H2AJ: variants seen among roughly 807,000 people sequenced by gnomAD.
H2AJ encodes the protein histone H2A.J.
Under a neutral mutation model 7.9 loss-of-function variants are expected in H2AJ, and 3 were observed. That is an observed-to-expected ratio of 0.38 (90% CI 0.17 to 0.98). H2AJ has a LOEUF of 0.98. Among genes scored for constraint, H2AJ ranks in the 50% least tolerant of loss-of-function variants. The pLI, the probability that H2AJ is intolerant of heterozygous loss-of-function variation, is 0.39. For missense variants in H2AJ, 128 were observed against 174.4 expected, an observed-to-expected ratio of 0.73 and a Z score of 1.50; for synonymous variants, 98 against 85.7, an observed-to-expected ratio of 1.14 and a Z score of -0.79.
chr12:14,774,958 G>A lies in H2AJ; in HGVS notation c.*98G>A. ...AATGTGCTGGATGTCATGGAGGGCC[G>A]GTGACATCTAGCGGGGAGGTGGGCG... On this transcript the variant is annotated 3_prime_UTR_variant, in exon 1 of 1. Transcript: ENST00000544848. 1 of 1,372,282 alleles carries A rather than the reference G, an allele frequency of 7.3e-7. No homozygotes were observed. The highest frequency in any genetic ancestry group is 1.4e-5 in the South Asian group (1 of 72,132). 85.0% of individuals were successfully genotyped at this position (1,372,282 alleles called of 1,614,324 possible). A position where few individuals can be genotyped will look rare whatever the true frequency, so the allele number is the denominator to read the frequency against.
At chr12:14,775,170 CAG>C (rs1949618870), downstream of H2AJ, 3 of 489,032 alleles carry the variant, frequency 6.1e-6, no homozygotes, top group Non-Finnish European at 1.2e-5. Flanking sequence ...CTCGAGGCGT[CAG>C]GGGAGGGTGG....
downstream of H2AJ, chr12:14,775,667 ATGT>A (rs919600425): frequency 1.3e-5 from 4 of 311,276 alleles, no homozygotes; most frequent in Admixed American, 1.4e-4. Context: ...TTTTAAAGTG[ATGT>A]TGTCAAGTTT....
In H2AJ at chr12:14,774,847, C is replaced by G. The variant is rs749915328; in HGVS notation, c.377C>G (p.Thr126Arg). The G allele has an allele frequency of 2.5e-6, 4 of 1,613,942 alleles. No individual in the cohort carries two copies. Among genetic ancestry groups the G allele is most frequent in the Non-Finnish European group, 3.4e-6 (4 of 1,179,942 alleles). Residue 126 changes from threonine (T) to arginine (R), a missense_variant, in exon 1 of 1, where the codon ACG becomes AGG. Thr to Arg is a moderately conservative substitution (Grantham distance 71, BLOSUM62 -1). Coordinates refer to ENST00000544848, the MANE Select transcript of H2AJ (RefSeq NM_177925.5). ...CCCAAGAAGACGGAGAGTCAGAAGA[C>G]GAAGAGCAAATGACCCTGACGCCGC... ...LLPKKTESQK[T>R]KSK
At chr12:14,775,039 C>A, downstream of H2AJ, 1 of 740,924 alleles carries the variant, frequency 1.3e-6, no homozygotes, top group Non-Finnish European at 2.2e-6. Flanking sequence ...GTCGAGAGAG[C>A]TGTGTAGTCG....
chr12:14,775,644 C>T, downstream of H2AJ: 1 of 337,498 alleles, frequency 3.0e-6, no homozygotes, highest in East Asian at 8.4e-5. Context: ...TCGTGGGTTA[C>T]ATATGCTTGA....
chr12:14,776,998 C>G (rs1949649932), downstream of H2AJ: 1 of 167,250 alleles, frequency 6.0e-6, no homozygotes, highest in East Asian at 1.9e-4. Context: ...TCGCCACCCG[C>G]CTCTCCCACC....
At position 14,774,578 on chromosome 12, in the gene H2AJ, C is replaced by T; in HGVS notation, c.108C>T (p.Arg36=). 6.2e-7 allele frequency: 1 copy of T among 1,613,986 alleles called. No homozygotes were observed. Among genetic ancestry groups the T allele is most frequent in the East Asian group, 2.2e-5 (1 of 44,868 alleles). ...FPVGRVHRLL[R]KGNYAERVGA... ...TGGGCCGAGTGCACAGACTGCTGCGCAAAGGGAACTACGCGGAGCGAGTGG... is the reference window on the plus strand; with the variant it reads ...TGGGCCGAGTGCACAGACTGCTGCGTAAAGGGAACTACGCGGAGCGAGTGG... The change falls in exon 1 of 1, where the codon CGC becomes CGT. Residue 36 remains arginine, a synonymous_variant. Transcript: ENST00000544848.
chr12:14,776,556 G>T (rs1475284575), downstream of H2AJ: 1 of 167,198 alleles, frequency 6.0e-6, no homozygotes, highest in Middle Eastern at 3.4e-3. Context: ...TTTGTCATAT[G>T]TAAAAGTCAT....
At chr12:14,775,415 T>G (rs781266559), downstream of H2AJ, 1 of 471,252 alleles carries the variant, frequency 2.1e-6, no homozygotes, top group South Asian at 1.5e-5. Context: ...GGAGTAACTT[T>G]CCGTCTTGGA....
At chr12:14,775,381 C>T (rs1036667343), downstream of H2AJ, 2 of 471,202 alleles carry the variant, frequency 4.2e-6, no homozygotes, top group African/African-American at 2.0e-5. Flanking sequence ...CAGGAAGTGT[C>T]TGCGGCCATA....
chr12:14,774,698 G>A lies in H2AJ; in HGVS notation c.228G>A (p.Lys76=), dbSNP rs1191394824. ...LAGNAARDNK[K]TRIIPRHLQL... ...GCAACGCCGCGCGTGACAACAAGAA[G>A]ACCAGGATAATTCCCCGCCACCTGC... The change falls in exon 1 of 1, where the codon AAG becomes AAA. Residue 76 remains lysine, a synonymous_variant. Coordinates refer to ENST00000544848, the MANE Select transcript of H2AJ (RefSeq NM_177925.5). 3.7e-6 allele frequency: 6 copies of A among 1,614,232 alleles called. No homozygotes were observed. Among genetic ancestry groups the A allele is most frequent in the South Asian group, 1.1e-5 (1 of 91,090 alleles).
chr12:14,775,437 G>A (rs1225111326), downstream of H2AJ: 2 of 471,200 alleles, frequency 4.2e-6, no homozygotes, highest in Non-Finnish European at 8.8e-6. Context: ...GGGTGGCTCT[G>A]ATGGCACGAT....
downstream of H2AJ, chr12:14,776,590 T>A (rs1949644299): frequency 6.0e-6 from 1 of 167,106 alleles, no homozygotes; most frequent in Non-Finnish European, 1.5e-5. Context: ...AGGATTGAGA[T>A]TGTTCATTTA....
chr12:14,774,607 C>T lies in H2AJ; in HGVS notation c.137C>T (p.Ala46Val), dbSNP rs1949603761. ...GGGAACTACGCGGAGCGAGTGGGCG[C>T]CGGGGCGCCGGTGTACCTGGCGGCG... ...RKGNYAERVG[A>V]GAPVYLAAVL... The change falls in exon 1 of 1, where the codon GCC (alanine) becomes GTC (valine). Residue 46 changes from alanine (A) to valine (V), a missense_variant. Transcript: ENST00000544848. 3 of 1,613,900 alleles carry T rather than the reference C, an allele frequency of 1.9e-6. No homozygotes were observed. The highest frequency in any genetic ancestry group is 1.7e-5 in the Admixed American group (1 of 59,992).
chr12:14,776,318 CTTTATT>C (rs961232691), downstream of H2AJ: 1 of 167,084 alleles, frequency 6.0e-6, no homozygotes, highest in Admixed American at 6.5e-5. Flanking sequence ...TCGGAGCTCA[CTTTATT>C]TTTATTGGTT....
chr12:14,774,410 C>A lies in H2AJ; in HGVS notation c.-61C>A, dbSNP rs763296968. The A allele has an allele frequency of 2.0e-6, 3 of 1,515,944 alleles. No individual in the cohort carries two copies. The highest frequency in any genetic ancestry group is 2.6e-6 in the Non-Finnish European group (3 of 1,132,818). 93.9% of individuals were successfully genotyped at this position (1,515,944 alleles called of 1,614,324 possible). On this transcript the variant is annotated 5_prime_UTR_variant, in exon 1 of 1. Transcript: ENST00000544848. ...CAGTTCGGGTGCGGTACGTTGCATT[C>A]CGGTACCGGACGCCGAGAGCGGTTT...
At position 14,774,832 on chromosome 12, in the gene H2AJ, C is replaced by CGGA. The variant is rs1565666231; in HGVS notation, c.364_366dup (p.Glu122dup). The CGGA allele has an allele frequency of 4.3e-6, 7 of 1,614,196 alleles. No individual in the cohort carries two copies. The Admixed American group carries it at 1.2e-4, about 27-fold the overall frequency. On this transcript the variant is annotated inframe_insertion, in exon 1 of 1. Transcript: ENST00000544848. ...CAGGCCGTGCTGCTGCCCAAGAAGACGGAGAGTCAGAAGACGAAGAGCAAA... is the reference window on the plus strand; with the variant it reads ...CAGGCCGTGCTGCTGCCCAAGAAGACGGAGGAGAGTCAGAAGACGAAGAGCAAA...
downstream of H2AJ, chr12:14,777,309 A>G (rs962631470): frequency 6.0e-6 from 1 of 167,072 alleles, no homozygotes; most frequent in African/African-American, 2.4e-5. Flanking sequence ...ATAGAGTTAT[A>G]ATCCATAGTT....
In H2AJ at chr12:14,774,921, G is replaced by A. The variant is rs1949613153; in HGVS notation, c.*61G>A. The stretch of plus-strand genomic sequence containing the variant: ...CAAAGGCCCTTTTCATGGTCGTCCC[G>A]CAATGCTTTTGAATGTGCTGGATGT... On this transcript the variant is annotated 3_prime_UTR_variant, in exon 1 of 1. Transcript: ENST00000544848. 6.4e-7 allele frequency: 1 copy of A among 1,557,838 alleles called. No homozygotes were observed. Among genetic ancestry groups the A allele is most frequent in the Admixed American group, 1.9e-5 (1 of 52,882 alleles).
Sources: allele counts gnomAD v4.1 joint callset, GRCh38; gene constraint gnomAD v4.1.1; transcripts MANE v1.5; gene names NCBI Gene and HGNC (gene_info 2026-07-23, HGNC 2026-07-21).